SHTN1: variants seen among roughly 807,000 people sequenced by gnomAD.
SHTN1 encodes the protein shootin 1.
A neutral mutation model predicts 83.1 loss-of-function variants in SHTN1; 42 were observed. The ratio of observed to expected loss-of-function variants is 0.51; its 90% confidence interval spans 0.39 to 0.65. SHTN1 has a LOEUF of 0.65. SHTN1 is among the 30% of genes least tolerant of loss of function. The pLI, the probability that SHTN1 is intolerant of heterozygous loss-of-function variation, is 0.00. For synonymous variants in SHTN1, 224 were observed against 247.7 expected, an observed-to-expected ratio of 0.90 and a Z score of 0.90; for missense variants, 622 against 737.8, an observed-to-expected ratio of 0.84 and a Z score of 1.82.
chr10:116,894,036 A>G (rs1007605946), intron 16 of SHTN1, among the ~76,000 whole-genome samples: 1 of 152,028 alleles, frequency 6.6e-6, no homozygotes, highest in Non-Finnish European at 1.5e-5. Context: ...AGGTCAAACA[A>G]TGATAAAAAT....
chr10:117,031,996 G>A (rs189400697), intron 2 of SHTN1, among the ~76,000 whole-genome samples: 4 of 152,062 alleles, frequency 2.6e-5, no homozygotes, highest in East Asian at 3.9e-4. Flanking sequence ...ATGATCTGTT[G>A]CCTACAAGAA....
intron 12 of SHTN1, among the ~76,000 whole-genome samples, chr10:116,916,440 A>G (rs1848384938): frequency 6.6e-6 from 1 of 152,212 alleles, no homozygotes; most frequent in African/African-American, 2.4e-5. Flanking sequence ...CATCTTTAAT[A>G]GACTCTACAC....
rs1177378350 is a variant in SHTN1, at chr10:117,065,852, GGAAA to G, written c.-188-17346_-188-17343del. ...AGGAAGGAAGGAAGGAAGGAAGGAAGGAAAGGAGGGAGGGAGGGAGGGAGGGAGG... is the reference window on the plus strand; with the variant it reads ...AGGAAGGAAGGAAGGAAGGAAGGAAGGGAGGGAGGGAGGGAGGGAGGGAGG... On this transcript the variant is annotated intron_variant, in intron 1 of 17. Transcript: ENST00000392901. Among the ~76,000 whole-genome samples, 146 of 68,926 alleles carry G rather than the reference GGAAA, an allele frequency of 2.1e-3. 4 individuals carry two copies. Among genetic ancestry groups the G allele is most frequent in the African/African-American group, 7.5e-3 (123 of 16,398 alleles). 45.2% of individuals were successfully genotyped at this position (68,926 alleles called of 152,430 possible).
rs142927833 is a variant in SHTN1 at position 117,118,169 on chromosome 10, T to C, written c.-189+8138A>G. 4.4e-3 allele frequency among the ~76,000 whole-genome samples: 667 copies of C among 152,112 alleles called. 7 individuals are homozygous for C. The highest frequency in any genetic ancestry group is 0.015 in the African/African-American group (629 of 41,514). Reference sequence around the variant, plus strand: ...GCAAGGGATTAAAAACCAGACTATATAAGCAGCTCAAACAACTCAATAGGA... The same window carrying C: ...GCAAGGGATTAAAAACCAGACTATACAAGCAGCTCAAACAACTCAATAGGA... On this transcript the variant is annotated intron_variant, in intron 1 of 17. Coordinates refer to the SHTN1 transcript ENST00000392901.
At chr10:116,903,840 T>C (rs989338129) in intron 15 of SHTN1, among the ~76,000 whole-genome samples, 3 of 152,214 alleles carry the variant, frequency 2.0e-5, no homozygotes, top group Non-Finnish European at 4.4e-5. Context: ...ATTTTTCTTA[T>C]ATACAAAAAG....
At chr10:117,033,359 T>C (rs1031349669) in intron 2 of SHTN1, among the ~76,000 whole-genome samples, 4 of 152,044 alleles carry the variant, frequency 2.6e-5, no homozygotes, top group African/African-American at 2.4e-5. Flanking sequence ...TTACAACTGA[T>C]ACTGCAGAAA....
At chr10:117,120,778 T>C (rs1397984748) in intron 1 of SHTN1, among the ~76,000 whole-genome samples, 1 of 151,788 alleles carries the variant, frequency 6.6e-6, no homozygotes, top group African/African-American at 2.4e-5. Flanking sequence ...GACAAATATT[T>C]CAGGTGATAG....
chr10:116,955,647 T>C (rs74159017), intron 4 of SHTN1, among the ~76,000 whole-genome samples: 9,290 of 152,238 alleles, frequency 0.061, 901 homozygotes, highest in African/African-American at 0.2. Flanking sequence ...CAGCCCACTT[T>C]AATCTGGGAG....
At chr10:117,008,956 A>G (rs1007086352), upstream of SHTN1, among the ~76,000 whole-genome samples, 1 of 152,192 alleles carries the variant, frequency 6.6e-6, no homozygotes. Context: ...TCTATTAAAA[A>G]TATAAAAAAT....
chr10:116,963,035 GTTTTTTTT>G lies in SHTN1; in HGVS notation c.173-2813_173-2806del, dbSNP rs71013628. 1.5e-4 allele frequency among the ~76,000 whole-genome samples: 7 copies of G among 45,260 alleles called. No homozygotes were observed. The Admixed American group carries it at 2.1e-3, about 14-fold the overall frequency. 29.7% of individuals were successfully genotyped at this position (45,260 alleles called of 152,430 possible). On this transcript the variant is annotated intron_variant, in intron 3 of 16. Coordinates refer to ENST00000355371, the MANE Select transcript of SHTN1 (RefSeq NM_001127211.3). Reference sequence around the variant, plus strand: ...TATTTGCACATTTTGAATAATAAAAGTTTTTTTTTTTTTTTTTTTTTTTTTTTTTTTTT... The same window carrying G: ...TATTTGCACATTTTGAATAATAAAAGTTTTTTTTTTTTTTTTTTTTTTTTT...
chr10:117,105,065 G>C (rs7096440), intron 1 of SHTN1, among the ~76,000 whole-genome samples: 16 of 151,834 alleles, frequency 1.1e-4, no homozygotes, highest in African/African-American at 3.9e-4. Flanking sequence ...TCACAGCCCA[G>C]AACCACATCC....
intron 1 of SHTN1, among the ~76,000 whole-genome samples, chr10:117,082,232 T>C (rs1274921824): frequency 1.1e-5 from 1 of 91,754 alleles, no homozygotes; most frequent in African/African-American, 3.8e-5. Flanking sequence ...TCTGGTATGT[T>C]GTGTCTTTGT....
intron 2 of SHTN1, among the ~76,000 whole-genome samples, chr10:117,043,175 C>T (rs949362249): frequency 6.6e-6 from 1 of 150,834 alleles, no homozygotes; most frequent in African/African-American, 2.4e-5. Context: ...GCTCTGTCGC[C>T]CAGGCTGGAG....
At chr10:117,119,408 G>C (rs1853892985) in intron 1 of SHTN1, among the ~76,000 whole-genome samples, 2 of 152,132 alleles carry the variant, frequency 1.3e-5, no homozygotes, top group Non-Finnish European at 2.9e-5. Context: ...TTTCTCAAAA[G>C]AAGATATACA....
intron 2 of SHTN1, among the ~76,000 whole-genome samples, chr10:117,030,836 A>C (rs1852405013): frequency 6.6e-6 from 1 of 152,140 alleles, no homozygotes; most frequent in African/African-American, 2.4e-5. Context: ...AGAATAAAAA[A>C]CAATAAAACA....
At chr10:117,024,680 GA>G (rs1039705961) in intron 2 of SHTN1, among the ~76,000 whole-genome samples, 1 of 151,442 alleles carries the variant, frequency 6.6e-6, no homozygotes, top group Non-Finnish European at 1.5e-5. Context: ...TTACCTTAAA[GA>G]AAAAAAAGGA....
intron 9 of SHTN1, among the ~76,000 whole-genome samples, chr10:116,932,280 C>T (rs948370104): frequency 6.6e-6 from 1 of 152,166 alleles, no homozygotes; most frequent in Non-Finnish European, 1.5e-5. Context: ...AGAAGGTTAG[C>T]AGCAGGCACG....
At chr10:116,963,872 T>C (rs1418313346) in intron 3 of SHTN1, among the ~76,000 whole-genome samples, 1 of 152,174 alleles carries the variant, frequency 6.6e-6, no homozygotes, top group East Asian at 1.9e-4. Flanking sequence ...ATTGTTTCTA[T>C]TAGTCTACTT....
At position 116,907,523 on chromosome 10, in the gene SHTN1, G is replaced by A. The variant is rs117651711; in HGVS notation, c.1360-776C>T. 9.1e-3 allele frequency among the ~76,000 whole-genome samples: 1,391 copies of A among 152,242 alleles called. 11 individuals carry two copies. Among genetic ancestry groups the A allele is most frequent in the Non-Finnish European group, 0.015 (1,044 of 68,022 alleles). ...CATGTTTCCCTGCTCTGGCTCTTCC[G>A]GGAAGTATGTTACAGAGTGAGAGCT... On this transcript the variant is annotated intron_variant, in intron 14 of 16. Coordinates refer to ENST00000355371, the MANE Select transcript of SHTN1 (RefSeq NM_001127211.3).
Sources: gnomAD v4.1 joint callset for allele counts (sites outside exome capture counted in the v4.1 genomes callset) on GRCh38, gnomAD v4.1.1 for gene constraint, MANE v1.5 for transcripts, NCBI Gene and HGNC (gene_info 2026-07-23, HGNC 2026-07-21) for gene names.